Variants in RAB38 observed in about 807,000 individuals in gnomAD.
RAB38 encodes the protein RAB38, member RAS oncogene family, also known as ras-related protein Rab-38.
In RAB38, 15 loss-of-function variants were observed where a neutral mutation model predicts 18.4. That is an observed-to-expected ratio of 0.82 (90% confidence interval 0.55 to 1.26). RAB38 has a LOEUF of 1.26. RAB38 is among the 50% of genes most tolerant of loss of function. The pLI, the probability that RAB38 is intolerant of heterozygous loss-of-function variation, is 0.00. For synonymous variants in RAB38, 101 were observed against 104.4 expected (o/e 0.97, Z 0.20); for missense variants, 294 against 267.4 (o/e 1.10, Z -0.69).
chr11:88,065,906 G>T, the RAB38 span, among the ~76,000 whole-genome samples: 8 of 152,150 alleles, frequency 5.3e-5, no homozygotes, highest in African/African-American at 1.7e-4. Context: ...TTCTGAATTT[G>T]TACGGGCTTT....
the RAB38 span, among the ~76,000 whole-genome samples, chr11:88,028,111 G>A: frequency 2.2e-4 from 34 of 152,278 alleles, no homozygotes; most frequent in East Asian, 3.9e-3. Context: ...TGATACCCAC[G>A]CAAACAGGGT....
At chr11:88,043,256 A>G in the RAB38 span, among the ~76,000 whole-genome samples, 1 of 152,202 alleles carries the variant, frequency 6.6e-6, no homozygotes, top group Non-Finnish European at 1.5e-5. Flanking sequence ...TATTTGTCTC[A>G]TCTACTTTTG....
the RAB38 span, among the ~76,000 whole-genome samples, chr11:87,950,522 A>G: frequency 6.6e-6 from 1 of 152,160 alleles, no homozygotes; most frequent in Non-Finnish European, 1.5e-5. Context: ...AGTGGCTGGT[A>G]CCAGTCGTTC....
the RAB38 span, among the ~76,000 whole-genome samples, chr11:88,052,288 C>G: frequency 2.6e-5 from 4 of 152,254 alleles, no homozygotes; most frequent in South Asian, 6.2e-4. Flanking sequence ...ATGTAACAGT[C>G]TCAGAGATCT....
the RAB38 span, among the ~76,000 whole-genome samples, chr11:87,937,792 T>C: frequency 1.3e-5 from 2 of 151,874 alleles, no homozygotes; most frequent in Non-Finnish European, 1.5e-5. Context: ...ATTACTTCAC[T>C]GGCAGTTTCT....
the RAB38 span, among the ~76,000 whole-genome samples, chr11:87,935,335 T>C: frequency 6.6e-6 from 1 of 152,144 alleles, no homozygotes; most frequent in Admixed American, 6.6e-5. Context: ...CTTTACTGTT[T>C]CTCTCCTGGG....
chr11:87,977,809 T>C, the RAB38 span, among the ~76,000 whole-genome samples: 1 of 109,590 alleles, frequency 9.1e-6, no homozygotes, highest in African/African-American at 3.6e-5. Context: ...TATAGAGTTA[T>C]ATATTAAATA....
the RAB38 span, among the ~76,000 whole-genome samples, chr11:88,105,937 TTA>T: frequency 1.3e-5 from 2 of 152,188 alleles, no homozygotes; most frequent in Non-Finnish European, 2.9e-5. Flanking sequence ...TTAAATGACA[TTA>T]TGTTTTGAAA....
chr11:87,804,047 G>A, the RAB38 span, among the ~76,000 whole-genome samples: 1 of 152,210 alleles, frequency 6.6e-6, no homozygotes, highest in Non-Finnish European at 1.5e-5. Context: ...CAACTTGGGT[G>A]ACCAAAACCG....
intron 2 of RAB38, 80 bp downstream of exon 2, chr11:88,149,595 T>C (rs1432994404): frequency 1.0e-5 from 15 of 1,454,574 alleles, no homozygotes; most frequent in Non-Finnish European, 1.4e-5. Context: ...ATTATTATCA[T>C]TATGATGATG....
chr11:88,072,748 C>T, the RAB38 span, among the ~76,000 whole-genome samples: 1 of 151,868 alleles, frequency 6.6e-6, no homozygotes, highest in Non-Finnish European at 1.5e-5. Flanking sequence ...TATACACTTA[C>T]ATTACCAAAG....
chr11:88,113,904 G>T lies in RAB38; in HGVS notation c.*84C>A. 1 of 1,530,862 alleles carries T rather than the reference G, an allele frequency of 6.5e-7. No homozygotes were observed. Among genetic ancestry groups the T allele is most frequent in the Non-Finnish European group, 9.0e-7 (1 of 1,110,024 alleles). 94.8% of individuals were successfully genotyped at this position (1,530,862 alleles called of 1,614,324 possible). On this transcript the variant is annotated 3_prime_UTR_variant, in exon 3 of 3. Coordinates refer to ENST00000243662, the MANE Select transcript of RAB38 (RefSeq NM_022337.3). Reference sequence around the variant, plus strand: ...TTGCCACATGTGGTATCTCTATCCTGACGTTTACCCAAAATGGTAAAAATA... The same window carrying T: ...TTGCCACATGTGGTATCTCTATCCTTACGTTTACCCAAAATGGTAAAAATA...
chr11:87,836,723 T>C, the RAB38 span, among the ~76,000 whole-genome samples: 22 of 152,326 alleles, frequency 1.4e-4, no homozygotes, highest in African/African-American at 4.8e-4. Context: ...GTTTACTCAG[T>C]TCTTGACTAT....
intron 2 of RAB38, among the ~76,000 whole-genome samples, chr11:88,114,564 G>A (rs34483622): frequency 1.3e-5 from 2 of 152,114 alleles, no homozygotes; most frequent in Admixed American, 1.3e-4. Flanking sequence ...TTTATAGTAT[G>A]CATTAATGGT....
chr11:87,804,348 T>C, the RAB38 span, among the ~76,000 whole-genome samples: 1 of 152,198 alleles, frequency 6.6e-6, no homozygotes, highest in African/African-American at 2.4e-5. Flanking sequence ...TCCTCTGTTC[T>C]CTGTGGGTGT....
chr11:87,873,168 G>T, the RAB38 span, among the ~76,000 whole-genome samples: 1 of 151,442 alleles, frequency 6.6e-6, no homozygotes, highest in Non-Finnish European at 1.5e-5. Context: ...ATATCTCATG[G>T]TTGTGTCAAT....
At chr11:87,846,592 T>A in the RAB38 span, among the ~76,000 whole-genome samples, 2 of 152,042 alleles carry the variant, frequency 1.3e-5, no homozygotes, top group Non-Finnish European at 2.9e-5. Flanking sequence ...GAAATACAAT[T>A]TTTTTGTCAT....
the RAB38 span, among the ~76,000 whole-genome samples, chr11:87,956,262 C>G: frequency 6.6e-6 from 1 of 152,152 alleles, no homozygotes; most frequent in African/African-American, 2.4e-5. Flanking sequence ...GTCCCTCAAA[C>G]TACATCCAGC....
chr11:88,088,809 G>T, the RAB38 span, among the ~76,000 whole-genome samples: 3 of 151,760 alleles, frequency 2.0e-5, no homozygotes, highest in African/African-American at 7.3e-5. Context: ...CAAAAATAAG[G>T]TTACACATCA....
Sources: gnomAD v4.1 joint callset for allele counts (sites outside exome capture counted in the v4.1 genomes callset) on GRCh38, gnomAD v4.1.1 for gene constraint, MANE v1.5 for transcripts, NCBI Gene and HGNC (gene_info 2026-07-23, HGNC 2026-07-21) for gene names.